SARAF: variants seen among roughly 807,000 people sequenced by gnomAD.
SARAF encodes store-operated calcium entry associated regulatory factor.
Under a neutral mutation model 39.7 loss-of-function variants are expected in SARAF, and 23 were observed. The ratio of observed to expected loss-of-function variants is 0.58; its 90% CI spans 0.42 to 0.82. SARAF has a LOEUF of 0.82. SARAF is among the 40% of genes least tolerant of loss of function. SARAF has a pLI of 0.00. For missense variants in SARAF, 384 were observed against 418.5 expected, an observed-to-expected ratio of 0.92 and a Z score of 0.72; for synonymous variants, 175 against 168.5, an observed-to-expected ratio of 1.04 and a Z score of -0.30.
chr8:30,075,808 T>G (rs2117438022), intron 1 of SARAF, among the ~76,000 whole-genome samples: 1 of 151,752 alleles, frequency 6.6e-6, no homozygotes, highest in Non-Finnish European at 1.5e-5. Flanking sequence ...AATACATTGT[T>G]TTGATGATGT....
rs756107734 is a variant in SARAF, at chr8:30,078,710, TA to T, written c.103+4136del. On this transcript the variant is annotated intron_variant, in intron 1 of 5. Transcript: ENST00000256255. ...ACTTAAGGTCAATACCCTATCTATA[TA>T]AAAAATATATATAGAGAGAGAGACC... Among the ~76,000 whole-genome samples the T allele has an allele frequency of 2.6e-5, 4 of 152,234 alleles. No homozygotes were observed. In the South Asian group the frequency reaches 8.3e-4, roughly 32 times the overall value.
intron 5 of SARAF, among the ~76,000 whole-genome samples, chr8:30,064,238 A>G (rs527650707): frequency 3.3e-5 from 5 of 152,270 alleles, no homozygotes; most frequent in Admixed American, 6.5e-5. Flanking sequence ...CCAGTGGCGC[A>G]TAAGCCATGC....
chr8:30,069,328 C>T (rs757177168), intron 3 of SARAF, among the ~76,000 whole-genome samples: 1 of 151,744 alleles, frequency 6.6e-6, no homozygotes, highest in Non-Finnish European at 1.5e-5. Flanking sequence ...TTAGTAAGAA[C>T]GGCGTTTTAC....
chr8:30,081,772 G>C (rs933872734), intron 1 of SARAF, among the ~76,000 whole-genome samples: 1 of 149,450 alleles, frequency 6.7e-6, no homozygotes, highest in Non-Finnish European at 1.5e-5. Flanking sequence ...AACAGCATGC[G>C]TCATTTATTA....
chr8:30,066,637 T>C, intron 4 of SARAF, 140 bp downstream of exon 4: 1 of 1,014,272 alleles, frequency 9.9e-7, no homozygotes, highest in African/African-American at 1.6e-5. Context: ...TAGTGTACCT[T>C]CCCCCTTCCC....
chr8:30,082,799 C>G lies in SARAF; in HGVS notation c.103+48G>C, dbSNP rs1247977331. ...CAGGGGAGCCTGCACCGGCTGACGG[C>G]GGCGGAAAAGGGCGAACGAAGCGCC... On this transcript the variant is annotated intron_variant, in intron 1 of 5. Transcript: ENST00000256255. The G allele has an allele frequency of 6.4e-6, 9 of 1,404,158 alleles. No homozygotes were observed. In the South Asian group the frequency reaches 1.1e-4, roughly 17 times the overall value. 87.0% of individuals were successfully genotyped at this position (1,404,158 alleles called of 1,614,324 possible). A position where few individuals can be genotyped will look rare whatever the true frequency, so the allele number is the denominator to read the frequency against.
chr8:30,077,792 C>T (rs1163843252), intron 1 of SARAF, among the ~76,000 whole-genome samples: 1 of 142,370 alleles, frequency 7.0e-6, no homozygotes, highest in Non-Finnish European at 1.5e-5. Context: ...TAGAGCAAGG[C>T]TCCATCTGAA....
intron 1 of SARAF, among the ~76,000 whole-genome samples, chr8:30,079,433 T>G (rs1563357819): frequency 6.6e-6 from 1 of 152,182 alleles, no homozygotes; most frequent in Admixed American, 6.5e-5. Context: ...CCAAGAACTA[T>G]ATTCAAATAA....
chr8:30,078,421 C>A (rs997025718), intron 1 of SARAF, among the ~76,000 whole-genome samples: 1 of 151,932 alleles, frequency 6.6e-6, no homozygotes, highest in African/African-American at 2.4e-5. Flanking sequence ...TTTTAGAACA[C>A]TGAAGACAAA....
intron 5 of SARAF, among the ~76,000 whole-genome samples, chr8:30,064,559 A>ATTTTTTTTTTTTTT (rs1240248914): frequency 2.2e-4 from 11 of 50,020 alleles, no homozygotes; most frequent in African/African-American, 2.9e-4. Flanking sequence ...ATATATATAT[A>ATTTTTTTTTTTTTT]TATTTTTTTT....
chr8:30,069,134 A>ATTTTTTTTTTTTTTTTTTTTTTTTTTTT, intron 3 of SARAF, among the ~76,000 whole-genome samples: 2 of 97,830 alleles, frequency 2.0e-5, no homozygotes, highest in Non-Finnish European at 3.7e-5. Context: ...TTAATCAGGC[A>ATTTTTTTTTTTTTTTTTTTTTTTTTTTT]TTTTTTTTTT....
At chr8:30,066,686 A>G (rs1801700013) in intron 4 of SARAF, 91 bp downstream of exon 4, 1 of 1,525,786 alleles carries the variant, frequency 6.6e-7, no homozygotes, top group Non-Finnish European at 9.0e-7. Context: ...ACCACAATTT[A>G]TTTTCCTTAG....
Position 30,063,866 on chromosome 8 carries a change from T to C in SARAF, c.*22A>G, listed in dbSNP as rs1453805440. 1.9e-6 allele frequency: 3 copies of C among 1,611,854 alleles called. No homozygotes were observed. The highest frequency in any genetic ancestry group is 2.7e-5 in the African/African-American group (2 of 74,996). ...AAAAATCCAAAATTTCTGCATCCAG[T>C]GTTTGACTCCAACTTTCTACTTTAT... On this transcript the variant is annotated 3_prime_UTR_variant, in exon 6 of 6. Transcript: ENST00000256255.
In SARAF at chr8:30,083,010, AGC is replaced by A. The variant is rs1178735283; in HGVS notation, c.-63_-62del. The stretch of plus-strand genomic sequence containing the variant: ...CCTACGGGCCGAACCTGGGTGCGGT[AGC>A]GCGCGCGACGCTGCGCAGCTACACC... On this transcript the variant is annotated 5_prime_UTR_variant, in exon 1 of 6. Transcript: ENST00000256255. The A allele has an allele frequency of 1.5e-6, 2 of 1,309,050 alleles. No individual in the cohort carries two copies. The highest frequency in any genetic ancestry group is 2.8e-5 in the East Asian group (1 of 35,842). The allele number at this position is 1,309,050 out of a possible 1,614,324, so 81.1% of individuals were successfully genotyped here.
rs1802148420 is a variant in SARAF, at chr8:30,083,046, T to C, written c.-97A>G. ...CGCTGCGCAGCTACACCGCTACCCC[T>C]GGCGGCGGCGAAGGAACGGCCCGAC... On this transcript the variant is annotated 5_prime_UTR_variant, in exon 1 of 6. Transcript: ENST00000256255. The C allele has an allele frequency of 1.1e-6, 1 of 925,772 alleles. No individual in the cohort carries two copies. Among genetic ancestry groups the C allele is most frequent in the East Asian group, 3.2e-5 (1 of 31,368 alleles). 57.3% of individuals were successfully genotyped at this position (925,772 alleles called of 1,614,324 possible).
Position 30,066,055 on chromosome 8 carries a change from G to A in SARAF, c.927C>T (p.Pro309=). The change falls in exon 5 of 6, where the codon CCC becomes CCT. Residue 309 remains proline, a synonymous_variant. Transcript: ENST00000256255. ...YPGTWNRAYS[P]LHGGSGSYSV... The stretch of plus-strand genomic sequence containing the variant: ...AATAGCTGCCCGAGCCTCCATGAAG[G>A]GGTGAGTAAGCCCTATTCCACGTGC... 6.2e-7 allele frequency: 1 copy of A among 1,614,128 alleles called. No individual in the cohort carries two copies. Among genetic ancestry groups the A allele is most frequent in the Non-Finnish European group, 8.5e-7 (1 of 1,180,024 alleles).
chr8:30,068,816 T>G (rs1182278925), intron 3 of SARAF, among the ~76,000 whole-genome samples: 6 of 152,192 alleles, frequency 3.9e-5, no homozygotes, highest in Non-Finnish European at 5.9e-5. Context: ...AGTCTGTAGC[T>G]TGCCTTTTCA....
chr8:30,075,998 A>C (rs1051844007), intron 1 of SARAF, among the ~76,000 whole-genome samples: 6 of 146,116 alleles, frequency 4.1e-5, no homozygotes, highest in Non-Finnish European at 6.0e-5. Context: ...AAACAAAAAA[A>C]AAAAAACAAA....
chr8:30,066,132 T>G lies in SARAF; in HGVS notation c.850A>C (p.Thr284Pro). 6.2e-7 allele frequency: 1 copy of G among 1,613,934 alleles called. No individual in the cohort carries two copies. The highest frequency in any genetic ancestry group is 1.1e-5 in the South Asian group (1 of 91,060). Residue 284 changes from threonine (T) to proline (P), a missense_variant, in exon 5 of 6, where the codon ACA becomes CCA. By Grantham distance (38) the Thr-to-Pro change is conservative. Transcript: ENST00000256255. ...TAGTACCACGAGTCTGAGAAGGGTG[T>G]TGCCGCTCTTTAAAGGGATAAAAGT... Reference protein sequence around the residue: ...GYLFGSNRAATPFSDSWYYPS... With the variant: ...GYLFGSNRAAPPFSDSWYYPS...
Sources: gnomAD v4.1 joint callset for allele counts (sites outside exome capture counted in the v4.1 genomes callset) on GRCh38, gnomAD v4.1.1 for gene constraint, MANE v1.5 for transcripts, NCBI Gene and HGNC (gene_info 2026-07-23, HGNC 2026-07-21) for gene names.